Variants in PALM2AKAP2 observed in about 807,000 individuals in gnomAD.
The protein encoded by PALM2AKAP2 is PALM2 and AKAP2 fusion.
Under a neutral mutation model 71.5 loss-of-function variants are expected in PALM2AKAP2, and 37 were observed. That is an observed-to-expected ratio of 0.52 (90% confidence interval 0.40 to 0.68). The LOEUF is 0.68. Ranked by LOEUF, PALM2AKAP2 falls within the 30% of genes least tolerant of loss-of-function variation. The pLI is 0.00. For missense variants in PALM2AKAP2, 1,224 were observed against 1,191.8 expected (o/e 1.03, Z -0.40); for synonymous variants, 468 against 478.8 (o/e 0.98, Z 0.29).
intron 1 of PALM2AKAP2, among the ~76,000 whole-genome samples, chr9:110,052,969 A>G (rs556238615): frequency 1.0e-3 from 152 of 152,254 alleles, no homozygotes; most frequent in Non-Finnish European, 1.4e-3. Flanking sequence ...GTTAAGTGCC[A>G]GAAAAGAAAA....
intron 7 of PALM2AKAP2, among the ~76,000 whole-genome samples, chr9:110,036,034 C>T (rs1005702775): frequency 4.1e-4 from 62 of 152,048 alleles, no homozygotes; most frequent in Non-Finnish European, 6.6e-4. Context: ...CTCCACCTCC[C>T]GGGTTCATGC....
intron 6 of PALM2AKAP2, among the ~76,000 whole-genome samples, chr9:109,940,497 C>T (rs955823792): frequency 2.6e-5 from 4 of 152,112 alleles, no homozygotes; most frequent in African/African-American, 9.7e-5. Context: ...AAGATATTTA[C>T]GTCTGGGATG....
chr9:110,010,005 C>T (rs1832851830), intron 6 of PALM2AKAP2, among the ~76,000 whole-genome samples: 1 of 152,188 alleles, frequency 6.6e-6, no homozygotes, highest in Non-Finnish European at 1.5e-5. Flanking sequence ...GGAATTGGAG[C>T]CTGGGCTAAT....
At chr9:110,094,930 A>G (rs1457162045) in intron 1 of PALM2AKAP2, among the ~76,000 whole-genome samples, 1 of 152,164 alleles carries the variant, frequency 6.6e-6, no homozygotes, top group Admixed American at 6.5e-5. Flanking sequence ...TTATTGTCCA[A>G]TTTTACATTC....
chr9:109,773,025 G>A (rs772468477), intron 1 of PALM2AKAP2, among the ~76,000 whole-genome samples: 73 of 152,306 alleles, frequency 4.8e-4, no homozygotes, highest in African/African-American at 1.1e-3. Flanking sequence ...GGCTAAGGCC[G>A]GAGAATGGCG....
At chr9:109,957,015 C>A (rs757166789) in intron 6 of PALM2AKAP2, among the ~76,000 whole-genome samples, 17 of 152,286 alleles carry the variant, frequency 1.1e-4, no homozygotes, top group African/African-American at 3.4e-4. Context: ...GGATTCAGAC[C>A]CAGGCAGGGT....
intron 1 of PALM2AKAP2, among the ~76,000 whole-genome samples, chr9:109,647,509 G>T (rs1275728682): frequency 6.6e-6 from 1 of 152,214 alleles, no homozygotes; most frequent in Non-Finnish European, 1.5e-5. Context: ...AATTTTGTTA[G>T]ATATTGCCCA....
chr9:109,847,267 C>T (rs912342325), intron 1 of PALM2AKAP2, among the ~76,000 whole-genome samples: 1 of 152,118 alleles, frequency 6.6e-6, no homozygotes, highest in Non-Finnish European at 1.5e-5. Flanking sequence ...GGGGAGAAGG[C>T]AATGCGATCA....
exon 2 of PALM2AKAP2, chr9:110,137,762 A>T: frequency 6.2e-7 from 1 of 1,614,162 alleles, no homozygotes; most frequent in Non-Finnish European, 8.5e-7. Flanking sequence ...ATCCAATGAG[A>T]CAACCAATGC....
intron 1 of PALM2AKAP2, among the ~76,000 whole-genome samples, chr9:109,716,935 CAGA>C (rs1564123357): frequency 6.6e-6 from 1 of 151,882 alleles, no homozygotes; most frequent in Non-Finnish European, 1.5e-5. Context: ...GCTGGCTTGC[CAGA>C]AGGACTAACT....
intron 3 of PALM2AKAP2, 35 bp downstream of exon 3, chr9:109,880,716 A>G (rs1203519177): frequency 6.2e-7 from 1 of 1,610,612 alleles, no homozygotes; most frequent in East Asian, 2.2e-5. Flanking sequence ...CCCATGCTAC[A>G]GTTTTTCAGT....
chr9:109,985,369 C>T (rs1258908630), intron 6 of PALM2AKAP2, among the ~76,000 whole-genome samples: 1 of 151,892 alleles, frequency 6.6e-6, no homozygotes, highest in Non-Finnish European at 1.5e-5. Flanking sequence ...TGAGTAATCC[C>T]AGCACTTTGG....
chr9:109,864,712 CAG>C (rs1829401986), intron 1 of PALM2AKAP2, among the ~76,000 whole-genome samples: 1 of 152,214 alleles, frequency 6.6e-6, no homozygotes, highest in Non-Finnish European at 1.5e-5. Flanking sequence ...GTAGTTGCGA[CAG>C]AGACTGTATG....
At chr9:109,803,669 A>C (rs558969939) in intron 1 of PALM2AKAP2, among the ~76,000 whole-genome samples, 158 of 152,342 alleles carry the variant, frequency 1.0e-3, no homozygotes, top group Non-Finnish European at 1.9e-3. Context: ...AACCAGCTGC[A>C]GGAGGCAGGA....
chr9:109,716,216 C>T (rs1216880550), intron 1 of PALM2AKAP2, among the ~76,000 whole-genome samples: 2 of 152,090 alleles, frequency 1.3e-5, no homozygotes, highest in Non-Finnish European at 2.9e-5. Context: ...TCGTGTTATA[C>T]CCAAGAAAAT....
intron 1 of PALM2AKAP2, among the ~76,000 whole-genome samples, chr9:109,855,676 T>G (rs763181589): frequency 6.6e-5 from 10 of 152,230 alleles, no homozygotes; most frequent in Non-Finnish European, 1.3e-4. Context: ...AGAAATTGTT[T>G]TGGTGGATGA....
At chr9:110,140,427 G>A (rs2119126662) in intron 2 of PALM2AKAP2, among the ~76,000 whole-genome samples, 1 of 152,216 alleles carries the variant, frequency 6.6e-6, no homozygotes, top group Admixed American at 6.5e-5. Context: ...ATGGAGAATG[G>A]TATTTAGAAA....
At chr9:109,895,901 G>GA (rs1209949343) in intron 3 of PALM2AKAP2, among the ~76,000 whole-genome samples, 1 of 152,130 alleles carries the variant, frequency 6.6e-6, no homozygotes, top group Non-Finnish European at 1.5e-5. Flanking sequence ...CATAAGGGGG[G>GA]AAAATCTCCT....
At chr9:110,134,527 A>G (rs998180281) in intron 1 of PALM2AKAP2, among the ~76,000 whole-genome samples, 1 of 152,188 alleles carries the variant, frequency 6.6e-6, no homozygotes, top group African/African-American at 2.4e-5. Flanking sequence ...GGAAATGTGG[A>G]AAGTGAAGAG....
Sources: gnomAD v4.1 joint callset for allele counts (sites outside exome capture counted in the v4.1 genomes callset) on GRCh38, gnomAD v4.1.1 for gene constraint, MANE v1.5 for transcripts, NCBI Gene and HGNC (gene_info 2026-07-23, HGNC 2026-07-21) for gene names.